CLVS1: variants seen among roughly 807,000 people sequenced by gnomAD.
CLVS1 encodes the protein clavesin-1.
A neutral mutation model predicts 33.1 loss-of-function variants in CLVS1; 10 were observed. The ratio of observed to expected loss-of-function variants is 0.30; its 90% CI spans 0.19 to 0.51. The LOEUF (loss-of-function observed/expected upper bound fraction) is 0.51. Among genes scored for constraint, CLVS1 ranks in the 20% least tolerant of loss-of-function variants. CLVS1 has a pLI of 0.97. For missense variants in CLVS1, 343 were observed against 433.4 expected, an observed-to-expected ratio of 0.79 and a Z score of 1.85; for synonymous variants, 163 against 166.1, an observed-to-expected ratio of 0.98 and a Z score of 0.14.
intron 2 of CLVS1, among the ~76,000 whole-genome samples, chr8:61,222,918 TG>T (rs2129310126): frequency 7.7e-6 from 1 of 129,234 alleles, no homozygotes. Flanking sequence ...CATTATGTAA[TG>T]CCCTTTTTTG....
chr8:61,273,470 T>A (rs1442151589), intron 2 of CLVS1, among the ~76,000 whole-genome samples: 1 of 152,142 alleles, frequency 6.6e-6, no homozygotes, highest in Non-Finnish European at 1.5e-5. Flanking sequence ...CCCCCAGAGG[T>A]GGAGCCTACA....
chr8:61,343,523 C>T (rs1812099551), intron 2 of CLVS1, among the ~76,000 whole-genome samples: 1 of 152,160 alleles, frequency 6.6e-6, no homozygotes, highest in South Asian at 2.1e-4. Flanking sequence ...AGACAATGTA[C>T]TTGTACTACA....
the CLVS1 span, among the ~76,000 whole-genome samples, chr8:61,000,385 G>C: frequency 1.3e-5 from 2 of 152,308 alleles, no homozygotes; most frequent in East Asian, 3.9e-4. Context: ...TAAAAGTTGA[G>C]AGGCAAAGGA....
intron 2 of CLVS1, among the ~76,000 whole-genome samples, chr8:61,205,535 T>C (rs1356805780): frequency 6.6e-6 from 1 of 152,258 alleles, no homozygotes; most frequent in Non-Finnish European, 1.5e-5. Context: ...TTTTATCTAT[T>C]GTCTATGCAG....
chr8:61,439,898 A>G (rs1427745884), intron 3 of CLVS1, among the ~76,000 whole-genome samples: 1 of 152,206 alleles, frequency 6.6e-6, no homozygotes, highest in African/African-American at 2.4e-5. Context: ...ACGCTCAAAC[A>G]TAGTCAAATA....
intron 3 of CLVS1, among the ~76,000 whole-genome samples, chr8:61,393,594 G>T (rs765766996): frequency 7.2e-5 from 11 of 152,128 alleles, no homozygotes; most frequent in African/African-American, 2.2e-4. Flanking sequence ...TTCCCATGGG[G>T]TGATCCCTTG....
At chr8:61,490,328 A>T (rs1227419802) in intron 5 of CLVS1, among the ~76,000 whole-genome samples, 1 of 151,766 alleles carries the variant, frequency 6.6e-6, no homozygotes, top group East Asian at 1.9e-4. Flanking sequence ...CGTCTCAAAA[A>T]AAAAAAAAAG....
intron 2 of CLVS1, among the ~76,000 whole-genome samples, chr8:61,304,276 T>A (rs1810536658): frequency 1.3e-5 from 2 of 152,218 alleles, no homozygotes; most frequent in Non-Finnish European, 2.9e-5. Context: ...CAGTGAGCAA[T>A]GGGAAACACT....
At chr8:61,096,649 C>T (rs1426418428) in intron 1 of CLVS1, among the ~76,000 whole-genome samples, 1 of 152,162 alleles carries the variant, frequency 6.6e-6, no homozygotes, top group African/African-American at 2.4e-5. Context: ...TTTCCCCCCT[C>T]TTATACCAGA....
At chr8:61,052,309 G>A (rs1275126493), upstream of CLVS1, among the ~76,000 whole-genome samples, 2 of 152,126 alleles carry the variant, frequency 1.3e-5, no homozygotes, top group Non-Finnish European at 2.9e-5. Flanking sequence ...AACTAAATAA[G>A]TAAAACGATG....
intron 3 of CLVS1, among the ~76,000 whole-genome samples, chr8:61,444,967 A>G (rs1221841037): frequency 3.3e-5 from 5 of 152,074 alleles, no homozygotes; most frequent in African/African-American, 1.2e-4. Flanking sequence ...ATGAAAGGGG[A>G]GCTCCCAGGC....
chr8:61,027,121 T>G, the CLVS1 span, among the ~76,000 whole-genome samples: 1 of 152,164 alleles, frequency 6.6e-6, no homozygotes, highest in Non-Finnish European at 1.5e-5. Context: ...CATCATCTCA[T>G]GCCTATCCCA....
chr8:61,293,446 A>G (rs1810069300), intron 1 of CLVS1, among the ~76,000 whole-genome samples: 1 of 152,198 alleles, frequency 6.6e-6, no homozygotes. Flanking sequence ...GGTCAGCACC[A>G]TGGAACATGT....
At chr8:61,042,270 C>G in the CLVS1 span, among the ~76,000 whole-genome samples, 1 of 152,070 alleles carries the variant, frequency 6.6e-6, no homozygotes, top group Non-Finnish European at 1.5e-5. Context: ...CAATATTAAC[C>G]ATTATTATTG....
chr8:61,329,587 A>G (rs1436686504), intron 2 of CLVS1, among the ~76,000 whole-genome samples: 1 of 152,230 alleles, frequency 6.6e-6, no homozygotes. Flanking sequence ...TGATTTTATT[A>G]TATGAATGTA....
chr8:61,066,804 A>C (rs969249257), intron 1 of CLVS1, among the ~76,000 whole-genome samples: 10 of 152,242 alleles, frequency 6.6e-5, no homozygotes, highest in African/African-American at 2.2e-4. Flanking sequence ...GTGTCCACGC[A>C]GTGGTATCTG....
intron 1 of CLVS1, among the ~76,000 whole-genome samples, chr8:61,063,660 C>T (rs1804626208): frequency 6.6e-6 from 1 of 152,128 alleles, no homozygotes; most frequent in East Asian, 1.9e-4. Context: ...GCATTCATTC[C>T]AACATTCATA....
Position 61,459,503 on chromosome 8 carries a change from C to T in CLVS1, c.977+961C>T, listed in dbSNP as rs1246466111. Among the ~76,000 whole-genome samples, 6 of 142,646 alleles carry T rather than the reference C, an allele frequency of 4.2e-5. No individual in the cohort carries two copies. The East Asian group carries it at 1.4e-3, about 34-fold the overall frequency. 93.6% of individuals were successfully genotyped at this position (142,646 alleles called of 152,430 possible). On this transcript the variant is annotated intron_variant, in intron 5 of 5. Coordinates refer to ENST00000325897, the MANE Select transcript of CLVS1 (RefSeq NM_173519.3). ...GTTGTCTTTTATCCCTCGCCCCCCTCCTACTCTTCCCCCCAAGTCCCCAAA... is the reference window on the plus strand; with the variant it reads ...GTTGTCTTTTATCCCTCGCCCCCCTTCTACTCTTCCCCCCAAGTCCCCAAA...
At chr8:61,408,286 A>G (rs187122030) in intron 3 of CLVS1, among the ~76,000 whole-genome samples, 46 of 152,360 alleles carry the variant, frequency 3.0e-4, no homozygotes, top group Admixed American at 1.3e-3. Flanking sequence ...GCTTAGCCCT[A>G]AATGACATGA....
Sources: allele counts gnomAD v4.1 joint callset (sites outside exome capture counted in the v4.1 genomes callset), GRCh38; gene constraint gnomAD v4.1.1; transcripts MANE v1.5; gene names NCBI Gene and HGNC (gene_info 2026-07-23, HGNC 2026-07-21).